WDTC1: variants seen among roughly 807,000 people sequenced by gnomAD.
The protein encoded by WDTC1 is WD and tetratricopeptide repeats protein 1.
Under a neutral mutation model 76.0 loss-of-function variants are expected in WDTC1, and 12 were observed. The observed-to-expected ratio is 0.16, with a 90% confidence interval of 0.10 to 0.26. The LOEUF (loss-of-function observed/expected upper bound fraction) is 0.26, where lower values mean the gene tolerates loss of function less well. WDTC1 is among the 10% of genes least tolerant of loss of function. The pLI is 1.00. For missense variants in WDTC1, 511 were observed against 908.8 expected (o/e 0.56, Z 5.63); for synonymous variants, 326 against 350.8 (o/e 0.93, Z 0.79).
At chr1:27,242,221 T>C (rs2011650248) in intron 1 of WDTC1, among the ~76,000 whole-genome samples, 1 of 151,832 alleles carries the variant, frequency 6.6e-6, no homozygotes, top group Non-Finnish European at 1.5e-5. Context: ...CCCTAGCACT[T>C]TGGGAGGGTG....
chr1:27,259,526 A>G (rs1284552306), intron 1 of WDTC1, among the ~76,000 whole-genome samples: 1 of 150,662 alleles, frequency 6.6e-6, no homozygotes, highest in African/African-American at 2.4e-5. Flanking sequence ...GAGTCTCGCT[A>G]TGTTGCCCAA....
At chr1:27,296,274 C>A in intron 9 of WDTC1, 52 bp from the exon 10 acceptor site, 1 of 1,608,632 alleles carries the variant, frequency 6.2e-7, no homozygotes, top group Non-Finnish European at 8.5e-7. Flanking sequence ...CTGGTTCAAC[C>A]ACATCCTTAC....
intron 6 of WDTC1, among the ~76,000 whole-genome samples, chr1:27,289,131 C>A: frequency 6.7e-6 from 1 of 149,946 alleles, no homozygotes; most frequent in Non-Finnish European, 1.5e-5. Flanking sequence ...GGCAGAGGGG[C>A]TCCTCACTTC....
At position 27,308,592 on chromosome 1, in the gene WDTC1, A is replaced by G. The variant is rs1281072757; in HGVS notation, c.*2209A>G. 1 of 152,206 alleles carries G rather than the reference A, an allele frequency of 6.6e-6. No individual in the cohort carries two copies. The highest frequency in any genetic ancestry group is 2.4e-5 in the African/African-American group (1 of 41,456). The allele number at this position is 152,206 out of a possible 1,614,324, so 9.4% of individuals were successfully genotyped here. A position where few individuals can be genotyped will look rare whatever the true frequency, so the allele number is the denominator to read the frequency against. On this transcript the variant is annotated 3_prime_UTR_variant, in exon 16 of 16. Transcript: ENST00000319394. Reference sequence around the variant, plus strand: ...ATGTGTGTGTGTATATATATATAAAAAAAATGAACAAAAGTTTTACACAAT... The same window carrying G: ...ATGTGTGTGTGTATATATATATAAAGAAAATGAACAAAAGTTTTACACAAT...
chr1:27,282,171 C>A, intron 3 of WDTC1, 68 bp from the exon 4 acceptor site: 2 of 1,483,656 alleles, frequency 1.3e-6, no homozygotes, highest in African/African-American at 2.8e-5. Flanking sequence ...AGTTCCACTT[C>A]TTGGTGTTGA....
At chr1:27,291,581 A>G (rs931863778) in intron 6 of WDTC1, among the ~76,000 whole-genome samples, 17 of 152,074 alleles carry the variant, frequency 1.1e-4, no homozygotes, top group African/African-American at 3.9e-4. Flanking sequence ...GAGCGGTGGG[A>G]GTTTGCTGCT....
chr1:27,240,335 G>A (rs770010409), intron 1 of WDTC1, among the ~76,000 whole-genome samples: 1 of 152,146 alleles, frequency 6.6e-6, no homozygotes, highest in Non-Finnish European at 1.5e-5. Flanking sequence ...AGTAGTGTAG[G>A]GCTGATATTT....
intron 6 of WDTC1, among the ~76,000 whole-genome samples, chr1:27,288,830 A>G (rs987904078): frequency 3.3e-5 from 5 of 151,906 alleles, no homozygotes; most frequent in African/African-American, 4.8e-5. Context: ...CAAAACCGCC[A>G]TTGTCATCCT....
intron 12 of WDTC1, among the ~76,000 whole-genome samples, chr1:27,300,134 C>T (rs1192246426): frequency 6.6e-5 from 10 of 152,194 alleles, no homozygotes; most frequent in African/African-American, 2.4e-4. Context: ...CTGGTCTGAG[C>T]GTGGCTGTTC....
chr1:27,269,621 G>GTTTTTTTTTTTTTTTTTTTTTT (rs538857228), intron 3 of WDTC1, among the ~76,000 whole-genome samples: 3 of 126,872 alleles, frequency 2.4e-5, no homozygotes. Context: ...TTTTTTTTCG[G>GTTTTTTTTTTTTTTTTTTTTTT]TTTTTTTTTT....
intron 10 of WDTC1, 121 bp downstream of exon 10, chr1:27,296,522 T>C (rs2013689621): frequency 2.0e-6 from 2 of 1,024,182 alleles, no homozygotes; most frequent in Non-Finnish European, 3.0e-6. Flanking sequence ...AGCAGATCTC[T>C]GAAATAACCC....
At position 27,275,028 on chromosome 1, in the gene WDTC1, C is replaced by T. The variant is rs183601078; in HGVS notation, c.133-7211C>T. On this transcript the variant is annotated intron_variant, in intron 3 of 15. Transcript: ENST00000319394. ...GCTGCAGAGTTCATATCCTTTCCAC[C>T]TCAACCATATGTCTGTTTTAAAAAT... is the stretch of plus-strand genomic sequence containing the variant. Among the ~76,000 whole-genome samples the T allele has an allele frequency of 4.0e-3, 605 of 152,256 alleles. 2 individuals carry two copies. The highest frequency in any genetic ancestry group is 0.013 in the African/African-American group (549 of 41,544).
At chr1:27,275,163 A>G (rs1338190960) in intron 3 of WDTC1, among the ~76,000 whole-genome samples, 1 of 152,096 alleles carries the variant, frequency 6.6e-6, no homozygotes, top group East Asian at 1.9e-4. Flanking sequence ...CACCTTTACA[A>G]TCTGGCCTGC....
chr1:27,299,396 G>A (rs1322992815), intron 12 of WDTC1, among the ~76,000 whole-genome samples: 9 of 152,128 alleles, frequency 5.9e-5, no homozygotes, highest in Admixed American at 2.6e-4. Context: ...AAGTTGGGTC[G>A]CTTTAGCTGG....
rs993973866 is a variant in WDTC1 at position 27,303,231 on chromosome 1, G to A, written c.1469-390G>A. On this transcript the variant is annotated intron_variant, in intron 13 of 15. Transcript: ENST00000319394. The surrounding 1 kb of genome is among the most constrained non-coding windows in gnomAD (Gnocchi z 4.8). ...GGAGGTTGCAGTGAGCCGAGATCAC[G>A]CCACTGCACTCCAGCCTGCGTGACC... Among the ~76,000 whole-genome samples, 51 of 147,048 alleles carry A rather than the reference G, an allele frequency of 3.5e-4. No individual in the cohort carries two copies. The highest frequency in any genetic ancestry group is 1.1e-3 in the Admixed American group (16 of 14,626).
At chr1:27,248,119 G>C (rs1301153491) in intron 1 of WDTC1, among the ~76,000 whole-genome samples, 1 of 152,222 alleles carries the variant, frequency 6.6e-6, no homozygotes, top group Non-Finnish European at 1.5e-5. Context: ...ACTGCACAGT[G>C]TGTGTGTCTT....
intron 3 of WDTC1, among the ~76,000 whole-genome samples, chr1:27,269,525 C>T (rs1167124698): frequency 1.3e-5 from 2 of 149,128 alleles, no homozygotes; most frequent in Admixed American, 1.4e-4. Context: ...TTGTAAGCTA[C>T]GTGGAAGACG....
intron 1 of WDTC1, among the ~76,000 whole-genome samples, chr1:27,260,402 G>T (rs967161427): frequency 6.6e-6 from 1 of 152,206 alleles, no homozygotes; most frequent in Non-Finnish European, 1.5e-5. Flanking sequence ...ACCGCGCCCG[G>T]CCCTACGAGG....
intron 12 of WDTC1, among the ~76,000 whole-genome samples, chr1:27,299,414 G>A (rs1393969763): frequency 1.3e-5 from 2 of 152,112 alleles, no homozygotes; most frequent in African/African-American, 2.4e-5. Context: ...TGGGGAGCAG[G>A]GAAGCATCAG....
Sources: gnomAD v4.1 joint callset for allele counts (sites outside exome capture counted in the v4.1 genomes callset) on GRCh38, gnomAD v4.1.1 for gene constraint, Gnocchi (gnomAD v3.1) non-coding constraint, MANE v1.5 for transcripts, NCBI Gene and HGNC (gene_info 2026-07-23, HGNC 2026-07-21) for gene names.